The following GANC variants were observed in gnomAD, a reference collection of about 807,000 sequenced individuals.
The protein encoded by GANC is glucosidase alpha, neutral C.
A neutral mutation model predicts 124.2 loss-of-function variants in GANC; 117 were observed. The ratio of observed to expected loss-of-function variants is 0.94; its 90% CI spans 0.81 to 1.10. GANC has a LOEUF of 1.10. Ranked by LOEUF, GANC falls within the 50% of genes least tolerant of loss-of-function variation. GANC has a pLI of 0.00. For synonymous variants in GANC, 377 were observed against 376.8 expected (o/e 1.00, Z -0.01); for missense variants, 1,140 against 1,095.0 (o/e 1.04, Z -0.58).
chr15:42,331,693 A>G (rs2052246801), intron 15 of GANC, among the ~76,000 whole-genome samples: 1 of 152,240 alleles, frequency 6.6e-6, no homozygotes, highest in South Asian at 2.1e-4. Flanking sequence ...GTAGTCCTTG[A>G]AACAAAAGTA....
chr15:42,292,458 G>A (rs890772134), intron 4 of GANC, among the ~76,000 whole-genome samples: 3 of 151,380 alleles, frequency 2.0e-5, no homozygotes, highest in African/African-American at 7.3e-5. Context: ...AAACTTTGTT[G>A]TTGCTTTTGT....
chr15:42,304,720 C>G (rs531370633), intron 6 of GANC, among the ~76,000 whole-genome samples: 13 of 152,304 alleles, frequency 8.5e-5, no homozygotes, highest in African/African-American at 2.9e-4. Context: ...AATTATACTA[C>G]AAGGATACAG....
Position 42,339,814 on chromosome 15 carries a change from C to G in GANC, c.1989C>G (p.Thr663=). The G allele has an allele frequency of 6.2e-7, 1 of 1,614,072 alleles. No individual in the cohort carries two copies. The highest frequency in any genetic ancestry group is 1.3e-5 in the African/African-American group (1 of 75,014). The change falls in exon 17 of 24, where the codon ACC becomes ACG. Residue 663 remains threonine, a synonymous_variant. Transcript: ENST00000318010. ...REPWLFGEEH[T]RLIREAIRER... is the part of the protein sequence containing the mutation. The stretch of plus-strand genomic sequence containing the variant: ...CCTGGCTCTTTGGGGAGGAACACAC[C>G]CGACTCATCCGAGAAGCCATCAGAG...
At chr15:42,280,266 T>TA (rs1376087462) in intron 3 of GANC, among the ~76,000 whole-genome samples, 1 of 152,216 alleles carries the variant, frequency 6.6e-6, no homozygotes, top group Non-Finnish European at 1.5e-5. Context: ...GTGTGTTTGA[T>TA]ACATTTGAGT....
At position 42,277,303 on chromosome 15, in the gene GANC, G is replaced by A. The variant is rs1398465822; in HGVS notation, c.92+893G>A. Among the ~76,000 whole-genome samples, 3 of 152,132 alleles carry A rather than the reference G, an allele frequency of 2.0e-5. No individual in the cohort carries two copies. In the South Asian group the frequency reaches 6.2e-4, roughly 32 times the overall value. ...CCCAGCACTTCGGGAGGCCAAGGCA[G>A]GCGGATCACCTGAGGTTGGGAGTTT... On this transcript the variant is annotated intron_variant, in intron 2 of 23. Transcript: ENST00000318010.
intron 10 of GANC, chr15:42,314,323 A>C (rs1299903284): frequency 3.4e-6 from 2 of 581,518 alleles, no homozygotes; most frequent in Non-Finnish European, 6.1e-6. Context: ...CTGCTGTCTC[A>C]TCTGGTGGCC....
At chr15:42,282,279 C>T (rs1490312986) in intron 3 of GANC, among the ~76,000 whole-genome samples, 2 of 152,106 alleles carry the variant, frequency 1.3e-5, no homozygotes, top group African/African-American at 4.8e-5. Context: ...CAAGATTGTG[C>T]CGCTGCACCC....
At position 42,310,448 on chromosome 15, in the gene GANC, A is replaced by C. The variant is rs764152973; in HGVS notation, c.888A>C (p.Thr296=). The C allele has an allele frequency of 6.2e-7, 1 of 1,607,206 alleles. No homozygotes were observed. The highest frequency in any genetic ancestry group is 8.5e-7 in the Non-Finnish European group (1 of 1,176,262). ...CGGAAACACTGGTGGAGATCAATACAGAGCCTGCAGTAGAGGTGAGCTATT... is the reference window on the plus strand; with the variant it reads ...CGGAAACACTGGTGGAGATCAATACCGAGCCTGCAGTAGAGGTGAGCTATT... ...NASETLVEIN[T]EPAVEYTLTQ... The change falls in exon 9 of 24, where the codon ACA becomes ACC. Residue 296 remains threonine, a synonymous_variant. Transcript: ENST00000318010.
Position 42,274,384 on chromosome 15 carries a change from G to C in GANC, c.-98G>C. The C allele has an allele frequency of 7.9e-7, 1 of 1,261,652 alleles. No individual in the cohort carries two copies. The highest frequency in any genetic ancestry group is 1.1e-6 in the Non-Finnish European group (1 of 887,202). The allele number at this position is 1,261,652 out of a possible 1,614,324, so 78.2% of individuals were successfully genotyped here. On this transcript the variant is annotated 5_prime_UTR_variant, in exon 1 of 24. Coordinates refer to ENST00000318010, the MANE Select transcript of GANC (RefSeq NM_198141.3). ...CCCAGAAACTTGACGATGAAGTACT[G>C]GTTGTAATTTTAGAAAGACACCCAA... is the stretch of plus-strand genomic sequence containing the variant.
At chr15:42,328,506 CAAA>C (rs530447078) in intron 13 of GANC, among the ~76,000 whole-genome samples, 2 of 104,050 alleles carry the variant, frequency 1.9e-5, no homozygotes, top group Non-Finnish European at 4.2e-5. Flanking sequence ...AATAAAGATT[CAAA>C]AAAAAAAAAA....
At chr15:42,282,499 C>T (rs1019321095) in intron 3 of GANC, among the ~76,000 whole-genome samples, 3 of 152,156 alleles carry the variant, frequency 2.0e-5, no homozygotes, top group Admixed American at 6.5e-5. Flanking sequence ...TCAAGAGGGA[C>T]AGCCCAGAGT....
chr15:42,276,628 T>G (rs2051674175), intron 2 of GANC, among the ~76,000 whole-genome samples: 1 of 152,220 alleles, frequency 6.6e-6, no homozygotes, highest in African/African-American at 2.4e-5. Context: ...AAAGCCAAAA[T>G]ATTTTTAAAC....
intron 15 of GANC, among the ~76,000 whole-genome samples, chr15:42,337,892 C>G (rs2052295314): frequency 1.3e-5 from 2 of 152,094 alleles, no homozygotes; most frequent in East Asian, 1.9e-4. Context: ...TGAAACCCCT[C>G]TCTGCTAAAA....
chr15:42,340,544 C>A, intron 17 of GANC, 146 bp from the exon 18 acceptor site: 2 of 603,200 alleles, frequency 3.3e-6, no homozygotes, highest in Non-Finnish European at 5.6e-6. Flanking sequence ...GCGGAAACTG[C>A]AGTGAGCCAA....
intron 15 of GANC, among the ~76,000 whole-genome samples, chr15:42,337,060 T>C (rs970194066): frequency 3.3e-5 from 5 of 152,348 alleles, no homozygotes; most frequent in Non-Finnish European, 5.9e-5. Flanking sequence ...TCAACCATTG[T>C]GGAAAGCAAT....
intron 15 of GANC, among the ~76,000 whole-genome samples, chr15:42,335,671 G>A (rs969155358): frequency 2.6e-5 from 4 of 152,188 alleles, no homozygotes; most frequent in Admixed American, 6.5e-5. Context: ...AAGAGAGGAA[G>A]TCAAACTATT....
chr15:42,338,794 ATCTTT>A (rs66600805), intron 16 of GANC, among the ~76,000 whole-genome samples: 22,978 of 152,122 alleles, frequency 0.15, 2,377 homozygotes, highest in Non-Finnish European at 0.22. Flanking sequence ...CCTGACAGCT[ATCTTT>A]TCTTCTTGAA....
At chr15:42,277,525 C>T (rs1020046193) in intron 2 of GANC, among the ~76,000 whole-genome samples, 4 of 149,756 alleles carry the variant, frequency 2.7e-5, no homozygotes, top group Admixed American at 6.6e-5. Flanking sequence ...AGTGAAACTC[C>T]GTCTAAAAAA....
intron 10 of GANC, among the ~76,000 whole-genome samples, chr15:42,315,447 C>T (rs2052093642): frequency 6.6e-6 from 1 of 152,164 alleles, no homozygotes; most frequent in South Asian, 2.1e-4. Flanking sequence ...AGTAAAATAT[C>T]ACTTCACACC....
Sources: allele counts gnomAD v4.1 joint callset (sites outside exome capture counted in the v4.1 genomes callset), GRCh38; gene constraint gnomAD v4.1.1; transcripts MANE v1.5; gene names NCBI Gene and HGNC (gene_info 2026-07-23, HGNC 2026-07-21).